PTGER3: variants seen among roughly 807,000 people sequenced by gnomAD.
PTGER3 encodes prostaglandin E2 receptor EP3 subtype.
A neutral mutation model predicts 34.7 loss-of-function variants in PTGER3; 22 were observed. That is an observed-to-expected ratio of 0.63 (90% CI 0.45 to 0.91). PTGER3 has a LOEUF of 0.91. PTGER3 is among the 40% of genes least tolerant of loss of function. PTGER3 has a pLI of 0.00. For synonymous variants in PTGER3, 241 were observed against 230.1 expected, an observed-to-expected ratio of 1.05 and a Z score of -0.43; for missense variants, 468 against 519.4, an observed-to-expected ratio of 0.90 and a Z score of 0.96.
chr1:70,881,238 T>G (rs780045970), intron 4 of PTGER3, among the ~76,000 whole-genome samples: 1 of 152,246 alleles, frequency 6.6e-6, no homozygotes, highest in Non-Finnish European at 1.5e-5. Context: ...ATTCTTAAAG[T>G]GAGTTTTTCA....
At chr1:70,904,235 A>G (rs902882690) in intron 4 of PTGER3, among the ~76,000 whole-genome samples, 2 of 152,134 alleles carry the variant, frequency 1.3e-5, no homozygotes, top group Admixed American at 1.3e-4. Flanking sequence ...AAATCTCTTT[A>G]TTTTGTAAAT....
chr1:71,036,693 GC>G (rs1204137984), intron 1 of PTGER3, among the ~76,000 whole-genome samples: 2 of 151,966 alleles, frequency 1.3e-5, no homozygotes, highest in Admixed American at 1.3e-4. Context: ...ACAAAAACTA[GC>G]CGGGTGTGGT....
At chr1:70,872,172 C>T (rs553701044) in intron 4 of PTGER3, among the ~76,000 whole-genome samples, 2 of 152,242 alleles carry the variant, frequency 1.3e-5, no homozygotes, top group East Asian at 1.9e-4. Flanking sequence ...TTATTGGACA[C>T]GTTGATCTGA....
In PTGER3 at chr1:70,933,363, C is replaced by T. The variant is rs148338781; in HGVS notation, c.*23+20400G>A. On this transcript the variant is annotated intron_variant, in intron 4 of 4. Transcript: ENST00000370931. ...TTCCTAGATTTAATTCCATTTCCTC[C>T]ACCCTATCATAAAAAGATCATAAAA... is the stretch of plus-strand genomic sequence containing the variant. Among the ~76,000 whole-genome samples the T allele has an allele frequency of 7.2e-3, 1,102 of 152,194 alleles. 14 individuals are homozygous for T. The highest frequency in any genetic ancestry group is 0.026 in the African/African-American group (1,059 of 41,528).
intron 1 of PTGER3, among the ~76,000 whole-genome samples, chr1:71,015,458 C>T (rs1657811043): frequency 6.6e-6 from 1 of 152,178 alleles, no homozygotes; most frequent in South Asian, 2.1e-4. Flanking sequence ...GATACTTAAC[C>T]ATCAGGTTTG....
At position 71,046,810 on chromosome 1, in the gene PTGER3, C is replaced by T; in HGVS notation, c.768G>A (p.Leu256=). 1 of 1,614,120 alleles carries T rather than the reference C, an allele frequency of 6.2e-7. No homozygotes were observed. The highest frequency in any genetic ancestry group is 8.5e-7 in the Non-Finnish European group (1 of 1,180,046). The stretch of plus-strand genomic sequence containing the variant: ...TGGCCTTGGCCCGGCAGCGGGACAC[C>T]AGGGCCTTAATGGTGGCCAGGTTGC... ...FSCNLATIKA[L]VSRCRAKATA... The change falls in exon 1 of 4, where the codon CTG becomes CTA. Residue 256 remains leucine (L), a synonymous_variant. Transcript: ENST00000306666.
At chr1:70,992,327 T>A (rs1307157525) in intron 2 of PTGER3, among the ~76,000 whole-genome samples, 1 of 152,208 alleles carries the variant, frequency 6.6e-6, no homozygotes, top group East Asian at 1.9e-4. Context: ...ACTCTCTCAG[T>A]TGAACTGAAT....
intron 4 of PTGER3, among the ~76,000 whole-genome samples, chr1:70,906,087 T>G (rs539346290): frequency 1.3e-5 from 2 of 152,252 alleles, no homozygotes; most frequent in East Asian, 3.9e-4. Context: ...CCTGCCACCA[T>G]CGATGTAAGA....
chr1:70,947,652 A>G (rs1650342837), downstream of PTGER3, among the ~76,000 whole-genome samples: 1 of 152,144 alleles, frequency 6.6e-6, no homozygotes, highest in African/African-American at 2.4e-5. Context: ...TTCACATCGG[A>G]CAATGCACAA....
chr1:70,919,740 T>A (rs558996042), intron 4 of PTGER3, among the ~76,000 whole-genome samples: 2 of 152,270 alleles, frequency 1.3e-5, no homozygotes, highest in Admixed American at 6.5e-5. Context: ...CATTGCTTAC[T>A]GAATCTGTAT....
chr1:71,043,509 T>C (rs1660486191), intron 1 of PTGER3, among the ~76,000 whole-genome samples: 1 of 152,218 alleles, frequency 6.6e-6, no homozygotes, highest in Non-Finnish European at 1.5e-5. Flanking sequence ...TGAATATTTA[T>C]TATAGTCATG....
At chr1:70,975,947 A>G (rs1653651263) in intron 2 of PTGER3, among the ~76,000 whole-genome samples, 1 of 152,126 alleles carries the variant, frequency 6.6e-6, no homozygotes, top group Non-Finnish European at 1.5e-5. Flanking sequence ...TTAGCTGACA[A>G]CTAGGTTCCT....
chr1:70,856,273 T>TA (rs990157576), intron 4 of PTGER3, among the ~76,000 whole-genome samples: 2 of 151,754 alleles, frequency 1.3e-5, no homozygotes, highest in Non-Finnish European at 2.9e-5. Context: ...ATTGAAGACA[T>TA]AAAAAAGCTA....
intron 1 of PTGER3, among the ~76,000 whole-genome samples, chr1:71,039,252 A>G (rs1320369066): frequency 1.3e-5 from 2 of 152,090 alleles, no homozygotes; most frequent in Admixed American, 1.3e-4. Context: ...AAATGGGATC[A>G]GTGTGTTTTG....
intron 2 of PTGER3, among the ~76,000 whole-genome samples, chr1:70,992,397 T>C (rs1256808307): frequency 2.0e-5 from 3 of 152,204 alleles, no homozygotes; most frequent in Non-Finnish European, 4.4e-5. Flanking sequence ...GAAATCCTAA[T>C]TAAAAGCCTG....
At chr1:70,893,024 A>G (rs566086302) in intron 4 of PTGER3, among the ~76,000 whole-genome samples, 19 of 143,140 alleles carry the variant, frequency 1.3e-4, no homozygotes, top group Non-Finnish European at 1.6e-5. Context: ...ACAATGTCCA[A>G]CTAAAAAAAA....
At chr1:70,932,992 A>G (rs12067177) in intron 4 of PTGER3, among the ~76,000 whole-genome samples, 41,467 of 152,012 alleles carry the variant, frequency 0.27, 6,221 homozygotes, top group African/African-American at 0.4. Flanking sequence ...TAACTATACT[A>G]AATTATATCA....
intron 1 of PTGER3, among the ~76,000 whole-genome samples, chr1:71,032,776 G>A (rs911417995): frequency 6.6e-6 from 1 of 152,054 alleles, no homozygotes; most frequent in Non-Finnish European, 1.5e-5. Flanking sequence ...ATTAGTTTTC[G>A]ATCATTTGCA....
exon 4 of PTGER3, chr1:70,952,973 T>C: frequency 6.2e-7 from 1 of 1,613,322 alleles, no homozygotes; most frequent in Non-Finnish European, 8.5e-7. Flanking sequence ...CCTCCATTTC[T>C]TCTCTGTTCA....
Sources: allele counts gnomAD v4.1 joint callset (sites outside exome capture counted in the v4.1 genomes callset), GRCh38; gene constraint gnomAD v4.1.1; transcripts MANE v1.5; gene names NCBI Gene and HGNC (gene_info 2026-07-23, HGNC 2026-07-21).